Variants in FOXN3 observed in about 807,000 individuals in gnomAD.
FOXN3 encodes forkhead box protein N3.
In FOXN3, 7 loss-of-function variants were observed where a neutral mutation model predicts 38.4. The ratio of observed to expected loss-of-function variants is 0.18; its 90% CI spans 0.10 to 0.34. FOXN3 has a LOEUF of 0.34. Ranked by LOEUF, FOXN3 falls within the 10% of genes least tolerant of loss-of-function variation. The pLI, the probability that FOXN3 is intolerant of heterozygous loss-of-function variation, is 1.00. For synonymous variants in FOXN3, 230 were observed against 242.2 expected (o/e 0.95, Z 0.47); for missense variants, 456 against 613.4 (o/e 0.74, Z 2.71).
chr14:89,411,191 T>C (rs1891536425), intron 2 of FOXN3, among the ~76,000 whole-genome samples: 1 of 152,222 alleles, frequency 6.6e-6, no homozygotes, highest in African/African-American at 2.4e-5. Flanking sequence ...TGACTGATGA[T>C]CTGAAGTAGA....
At chr14:89,375,304 GTTT>G (rs892429252) in intron 2 of FOXN3, among the ~76,000 whole-genome samples, 1 of 151,764 alleles carries the variant, frequency 6.6e-6, no homozygotes, top group African/African-American at 2.4e-5. Context: ...CCTCAATGAA[GTTT>G]TTTTTAAAAA....
chr14:89,237,958 C>CA (rs34915254), intron 4 of FOXN3, among the ~76,000 whole-genome samples: 1 of 152,056 alleles, frequency 6.6e-6, no homozygotes, highest in Admixed American at 6.6e-5. Flanking sequence ...TTATGGGCAC[C>CA]AAAAAAAGTT....
chr14:89,352,124 C>T (rs1006048089), intron 2 of FOXN3, among the ~76,000 whole-genome samples: 51 of 152,316 alleles, frequency 3.3e-4, no homozygotes, highest in African/African-American at 1.2e-3. Flanking sequence ...TAGTCACCCA[C>T]CCCCACGTGC....
intron 2 of FOXN3, among the ~76,000 whole-genome samples, chr14:89,360,759 T>TCCAGCACCACCTCCACCACCACCA (rs1889488702): frequency 1.0e-4 from 4 of 38,918 alleles, no homozygotes; most frequent in Admixed American, 4.7e-4. Flanking sequence ...CACCACCACC[T>TCCAGCACCACCTCCACCACCACCA]CCACCACTAC....
At chr14:89,265,168 AG>A (rs1885932688) in intron 4 of FOXN3, among the ~76,000 whole-genome samples, 1 of 152,252 alleles carries the variant, frequency 6.6e-6, no homozygotes, top group South Asian at 2.1e-4. Flanking sequence ...AGGTGTTAAT[AG>A]CTTTATCAGC....
At chr14:89,235,304 T>C (rs1345649995) in intron 4 of FOXN3, among the ~76,000 whole-genome samples, 1 of 152,212 alleles carries the variant, frequency 6.6e-6, no homozygotes, top group Non-Finnish European at 1.5e-5. Context: ...CCCCATGCCA[T>C]GTTGCTTTGA....
chr14:89,277,652 T>C (rs1012271595), intron 4 of FOXN3, among the ~76,000 whole-genome samples: 3 of 152,172 alleles, frequency 2.0e-5, no homozygotes, highest in African/African-American at 7.2e-5. Flanking sequence ...AGTTAATTCT[T>C]ACAATTGGTT....
At chr14:89,300,180 C>CTTTTTTTT (rs35774627) in intron 3 of FOXN3, among the ~76,000 whole-genome samples, 2 of 115,790 alleles carry the variant, frequency 1.7e-5, no homozygotes, top group African/African-American at 3.3e-5. Context: ...AAGAAATGTA[C>CTTTTTTTT]TTTTTTTTTT....
chr14:89,163,740 A>G lies in FOXN3; in HGVS notation c.852-771T>C, dbSNP rs1007321803. On this transcript the variant is annotated intron_variant, in intron 5 of 5. Coordinates refer to ENST00000557258, the MANE Select transcript of FOXN3 (RefSeq NM_005197.4). This position sits in a 1 kb window ranked among gnomAD's most constrained non-coding sequence, Gnocchi z 4.3. ...TGTTTAACTCCGTAAGGTGGATATT[A>G]GCATCCTTATTTTACAGTGGCTCGA... Among the ~76,000 whole-genome samples, 2 of 152,212 alleles carry G rather than the reference A, an allele frequency of 1.3e-5. No homozygotes were observed. The highest frequency in any genetic ancestry group is 4.8e-5 in the African/African-American group (2 of 41,444).
intron 3 of FOXN3, among the ~76,000 whole-genome samples, chr14:89,289,054 C>T (rs545729852): frequency 1.3e-5 from 2 of 151,172 alleles, no homozygotes; most frequent in East Asian, 1.9e-4. Context: ...TGGTGGTGGG[C>T]GCCTATAACC....
upstream of FOXN3, among the ~76,000 whole-genome samples, chr14:89,420,100 A>G (rs1205669080): frequency 6.6e-6 from 1 of 151,990 alleles, no homozygotes; most frequent in Non-Finnish European, 1.5e-5. Flanking sequence ...TCTATAGGTG[A>G]CTCCACTCTC....
chr14:89,542,703 A>T (rs1056803616), intron 1 of FOXN3, among the ~76,000 whole-genome samples: 2 of 152,166 alleles, frequency 1.3e-5, no homozygotes, highest in African/African-American at 4.8e-5. Context: ...GGAGATTTAT[A>T]ATTTGAGATG....
At chr14:89,578,537 C>A (rs945422246) in intron 1 of FOXN3, among the ~76,000 whole-genome samples, 8 of 152,210 alleles carry the variant, frequency 5.3e-5, no homozygotes, top group Non-Finnish European at 1.2e-4. Flanking sequence ...CTTAGGCTGA[C>A]CGACACAGAA....
At chr14:89,267,840 A>T (rs1886029926) in intron 4 of FOXN3, among the ~76,000 whole-genome samples, 1 of 152,196 alleles carries the variant, frequency 6.6e-6, no homozygotes, top group South Asian at 2.1e-4. Flanking sequence ...GCAGGGGGTG[A>T]ACACAGTTCT....
chr14:89,553,391 G>A (rs1895049544), intron 1 of FOXN3, among the ~76,000 whole-genome samples: 1 of 151,038 alleles, frequency 6.6e-6, no homozygotes, highest in South Asian at 2.1e-4. Flanking sequence ...TAGTGCTTGT[G>A]GGTTAATTGA....
chr14:89,401,630 A>G (rs1046123409), intron 2 of FOXN3: 7 of 455,834 alleles, frequency 1.5e-5, no homozygotes, highest in African/African-American at 1.2e-4. Context: ...TTCCCCCTCT[A>G]CTATAGCCAC....
intron 1 of FOXN3, among the ~76,000 whole-genome samples, chr14:89,466,374 C>G (rs889762387): frequency 1.2e-4 from 19 of 152,176 alleles, no homozygotes; most frequent in African/African-American, 4.3e-4. Context: ...CTTATTTCTC[C>G]TCTTTTGCAT....
At chr14:89,400,597 A>C (rs2140087116) in intron 2 of FOXN3, among the ~76,000 whole-genome samples, 1 of 152,120 alleles carries the variant, frequency 6.6e-6, no homozygotes, top group Non-Finnish European at 1.5e-5. Flanking sequence ...CTCTTGCACC[A>C]CTGGAACAAG....
chr14:89,299,716 C>T (rs1161257649), intron 3 of FOXN3, among the ~76,000 whole-genome samples: 1 of 152,188 alleles, frequency 6.6e-6, no homozygotes, highest in East Asian at 1.9e-4. Flanking sequence ...TGGAGGGACT[C>T]TGAGACTGAG....
Sources: gnomAD v4.1 joint callset for allele counts (sites outside exome capture counted in the v4.1 genomes callset) on GRCh38, gnomAD v4.1.1 for gene constraint, Gnocchi (gnomAD v3.1) non-coding constraint, MANE v1.5 for transcripts, NCBI Gene and HGNC (gene_info 2026-07-23, HGNC 2026-07-21) for gene names.